SOX5: variants seen among roughly 807,000 people sequenced by gnomAD.
SOX5 encodes transcription factor SOX-5.
A neutral mutation model predicts 92.0 loss-of-function variants in SOX5; 9 were observed. The ratio of observed to expected loss-of-function variants is 0.10; its 90% confidence interval spans 0.06 to 0.17. The LOEUF (loss-of-function observed/expected upper bound fraction) is 0.17. Among genes scored for constraint, SOX5 ranks in the 10% least tolerant of loss-of-function variants. The pLI is 1.00. For missense variants in SOX5, 642 were observed against 944.5 expected (o/e 0.68, Z 4.20); for synonymous variants, 344 against 336.3 (o/e 1.02, Z -0.25).
intron 1 of SOX5, among the ~76,000 whole-genome samples, chr12:24,525,948 G>A (rs2138568127): frequency 6.6e-6 from 1 of 151,944 alleles, no homozygotes; most frequent in South Asian, 2.1e-4. Flanking sequence ...ACGGCTCACT[G>A]CAGCCCCGCA....
At chr12:24,515,612 A>G (rs1949709213) in intron 1 of SOX5, among the ~76,000 whole-genome samples, 1 of 152,192 alleles carries the variant, frequency 6.6e-6, no homozygotes, top group African/African-American at 2.4e-5. Flanking sequence ...AATTGTTCTT[A>G]TCAAACTGTA....
chr12:23,816,653 A>C (rs1429889707), intron 3 of SOX5, among the ~76,000 whole-genome samples: 6 of 152,168 alleles, frequency 3.9e-5, no homozygotes, highest in Non-Finnish European at 7.4e-5. Context: ...TAAGCAAATA[A>C]AAGCAAGGTG....
chr12:24,255,821 T>G (rs751205751), intron 3 of SOX5, among the ~76,000 whole-genome samples: 2 of 152,322 alleles, frequency 1.3e-5, no homozygotes, highest in Admixed American at 6.5e-5. Flanking sequence ...GCTTATAAGT[T>G]CCATACTTCA....
At chr12:23,858,209 C>T (rs553458579) in intron 2 of SOX5, among the ~76,000 whole-genome samples, 1 of 152,000 alleles carries the variant, frequency 6.6e-6, no homozygotes, top group African/African-American at 2.4e-5. Context: ...ACTAATTAAA[C>T]TTAAGAGCCT....
chr12:23,569,163 G>A (rs1465484963), intron 10 of SOX5, among the ~76,000 whole-genome samples: 1 of 152,144 alleles, frequency 6.6e-6, no homozygotes, highest in Non-Finnish European at 1.5e-5. Flanking sequence ...CTGCACTTCA[G>A]CTTGGGTGAC....
At chr12:24,204,706 A>G (rs1050305613) in intron 4 of SOX5, among the ~76,000 whole-genome samples, 1 of 152,176 alleles carries the variant, frequency 6.6e-6, no homozygotes, top group African/African-American at 2.4e-5. Flanking sequence ...CAAAAGGTTC[A>G]GTGTGTATGT....
At chr12:24,439,025 G>A (rs572338473) in intron 1 of SOX5, among the ~76,000 whole-genome samples, 2 of 152,266 alleles carry the variant, frequency 1.3e-5, no homozygotes, top group African/African-American at 4.8e-5. Context: ...CAATTGACAT[G>A]GCAAACTTTA....
At chr12:23,627,702 T>G (rs1040905408) in intron 8 of SOX5, among the ~76,000 whole-genome samples, 3 of 152,118 alleles carry the variant, frequency 2.0e-5, no homozygotes, top group Non-Finnish European at 2.9e-5. Flanking sequence ...CAAAGATACA[T>G]GCAAATAAGG....
At chr12:24,487,272 C>T (rs1049961832) in intron 1 of SOX5, among the ~76,000 whole-genome samples, 6 of 152,086 alleles carry the variant, frequency 3.9e-5, no homozygotes, top group African/African-American at 1.4e-4. Flanking sequence ...TGTAGATTTC[C>T]AAATAATCCA....
At chr12:24,465,019 C>A (rs10842354) in intron 1 of SOX5, among the ~76,000 whole-genome samples, 1 of 151,996 alleles carries the variant, frequency 6.6e-6, no homozygotes, top group Non-Finnish European at 1.5e-5. Flanking sequence ...TAGTGCTCAT[C>A]GGGATGATGA....
intron 1 of SOX5, among the ~76,000 whole-genome samples, chr12:23,898,778 T>C (rs780483790): frequency 8.5e-5 from 13 of 152,216 alleles, no homozygotes; most frequent in Non-Finnish European, 1.6e-4. Flanking sequence ...TTCATACTTA[T>C]TTCAATTCCA....
intron 3 of SOX5, among the ~76,000 whole-genome samples, chr12:23,829,304 GC>G (rs2096278510): frequency 6.6e-6 from 1 of 152,012 alleles, no homozygotes; most frequent in Non-Finnish European, 1.5e-5. Flanking sequence ...ACACATGCAC[GC>G]ACAGACACAC....
At chr12:23,774,359 T>G (rs2095033436) in intron 3 of SOX5, among the ~76,000 whole-genome samples, 1 of 152,174 alleles carries the variant, frequency 6.6e-6, no homozygotes, top group Non-Finnish European at 1.5e-5. Context: ...CATATTTTGG[T>G]TATAATTGTA....
intron 3 of SOX5, among the ~76,000 whole-genome samples, chr12:23,822,722 G>T (rs927671486): frequency 1.3e-5 from 2 of 152,094 alleles, no homozygotes; most frequent in Non-Finnish European, 2.9e-5. Context: ...GGGTGCTAAA[G>T]TCTCCCACTA....
rs908881845 is a variant in SOX5 at position 24,134,535 on chromosome 12, G to A, written c.-2+78808C>T. The stretch of plus-strand genomic sequence containing the variant: ...ATAAATGTGTTTATTTATAACACAT[G>A]CACACACACACATAAACACACATAC... On this transcript the variant is annotated intron_variant, in intron 4 of 4. Coordinates refer to the SOX5 transcript ENST00000446891. Among the ~76,000 whole-genome samples, 33 of 151,764 alleles carry A rather than the reference G, an allele frequency of 2.2e-4. 1 individual carries two copies. Among genetic ancestry groups the A allele is most frequent in the African/African-American group, 1.2e-4 (5 of 41,332 alleles).
intron 1 of SOX5, among the ~76,000 whole-genome samples, chr12:24,436,918 C>T (rs760021134): frequency 6.6e-6 from 1 of 152,086 alleles, no homozygotes. Context: ...TCTACTCTGC[C>T]GGAGCAGTAA....
At chr12:24,415,065 A>G (rs1964786263) in intron 1 of SOX5, among the ~76,000 whole-genome samples, 1 of 152,362 alleles carries the variant, frequency 6.6e-6, no homozygotes, top group African/African-American at 2.4e-5. Context: ...ATGAAAGCTC[A>G]TAACATTTTT....
At chr12:24,033,280 C>A (rs1955692996) in intron 4 of SOX5, among the ~76,000 whole-genome samples, 1 of 151,788 alleles carries the variant, frequency 6.6e-6, no homozygotes, top group African/African-American at 2.4e-5. Flanking sequence ...AAGTTAAATA[C>A]CTAGCCAGTC....
At chr12:24,194,405 A>C (rs1025301282) in intron 4 of SOX5, among the ~76,000 whole-genome samples, 6 of 148,242 alleles carry the variant, frequency 4.0e-5, no homozygotes, top group Non-Finnish European at 8.9e-5. Context: ...ATCTATCTAG[A>C]TAGGTAGGTA....
Sources: gnomAD v4.1 joint callset for allele counts (sites outside exome capture counted in the v4.1 genomes callset) on GRCh38, gnomAD v4.1.1 for gene constraint, MANE v1.5 for transcripts, NCBI Gene and HGNC (gene_info 2026-07-23, HGNC 2026-07-21) for gene names.